LPA: variants seen among roughly 807,000 people sequenced by gnomAD.
LPA encodes apolipoprotein(a).
In LPA, 199 loss-of-function variants were observed where a neutral mutation model predicts 197.9. That is an observed-to-expected ratio of 1.01 (90% CI 0.90 to 1.13). The LOEUF is 1.13. Among genes scored for constraint, LPA ranks in the 50% most tolerant of loss-of-function variants. LPA has a pLI of 0.00. For missense variants in LPA, 1,853 were observed against 1,785.8 expected, an observed-to-expected ratio of 1.04 and a Z score of -0.68; for synonymous variants, 715 against 639.5, an observed-to-expected ratio of 1.12 and a Z score of -1.78.
In LPA at chr6:160,541,171, G is replaced by A; in HGVS notation, c.5530C>T (p.His1844Tyr). 2 of 1,613,530 alleles carry A rather than the reference G, an allele frequency of 1.2e-6. No individual in the cohort carries two copies. The highest frequency in any genetic ancestry group is 1.7e-6 in the Non-Finnish European group (2 of 1,179,404). ...QVSLRTRFGK[H>Y]FCGGTLISPE... Reference sequence around the variant, plus strand: ...GATATTAAGGTGCCTCCACAGAAGTGCTTTCCAAACCTAGAAAGAAAACAT... The same window carrying A: ...GATATTAAGGTGCCTCCACAGAAGTACTTTCCAAACCTAGAAAGAAAACAT... The change falls in exon 35 of 39, where the codon CAC becomes TAC. Residue 1844 changes from histidine (H) to tyrosine (Y), a missense_variant. By Grantham distance (83) the His-to-Tyr change is moderately conservative. Transcript: ENST00000316300.
intron 30 of LPA, among the ~76,000 whole-genome samples, chr6:160,555,299 G>T (rs1424456965): frequency 8.4e-6 from 1 of 118,546 alleles, no homozygotes; most frequent in Non-Finnish European, 1.8e-5. Flanking sequence ...ATGTTAGTGT[G>T]TGTGTGTGTG....
chr6:160,569,160 G>C (rs1036534139), intron 28 of LPA, among the ~76,000 whole-genome samples: 1 of 152,184 alleles, frequency 6.6e-6, no homozygotes, highest in East Asian at 1.9e-4. Flanking sequence ...ACAAAAAAGA[G>C]CATGCATTGC....
At chr6:160,662,441 A>G (rs1249622923) in intron 1 of LPA, among the ~76,000 whole-genome samples, 2 of 152,200 alleles carry the variant, frequency 1.3e-5, no homozygotes, top group Admixed American at 6.5e-5. Flanking sequence ...CGGGCATTCC[A>G]GCACACATTG....
At chr6:160,664,095 A>G (rs1780269579) in intron 1 of LPA, 71 bp downstream of exon 1, 1 of 1,286,560 alleles carries the variant, frequency 7.8e-7, no homozygotes, top group Admixed American at 1.8e-5. Flanking sequence ...ACATAAAGCC[A>G]TGGCATATGT....
intron 19 of LPA, 82 bp downstream of exon 19, chr6:160,600,835 T>C (rs900201324): frequency 6.8e-7 from 1 of 1,469,634 alleles, no homozygotes; most frequent in African/African-American, 1.4e-5. Flanking sequence ...AGTGTAGCAC[T>C]GAAGGGTTGT....
chr6:160,565,136 G>C (rs922346962), intron 28 of LPA, among the ~76,000 whole-genome samples: 4 of 152,226 alleles, frequency 2.6e-5, no homozygotes, highest in African/African-American at 9.6e-5. Flanking sequence ...AACTTCTGCA[G>C]ACTTAAACAT....
intron 20 of LPA, among the ~76,000 whole-genome samples, chr6:160,595,793 T>C (rs1779121494): frequency 6.6e-6 from 1 of 152,226 alleles, no homozygotes; most frequent in Admixed American, 6.5e-5. Context: ...CAATGTTTAC[T>C]CTGTACATTG....
chr6:160,651,031 T>A (rs1269335334), intron 1 of LPA, among the ~76,000 whole-genome samples: 1 of 152,216 alleles, frequency 6.6e-6, no homozygotes, highest in South Asian at 2.1e-4. Context: ...CAAATCTTAT[T>A]TCCTTGGAGG....
chr6:160,565,210 G>A (rs1049566297), intron 28 of LPA, among the ~76,000 whole-genome samples: 5 of 152,192 alleles, frequency 3.3e-5, no homozygotes, highest in Non-Finnish European at 7.3e-5. Flanking sequence ...ATCTGAGAAT[G>A]GACAGACTGC....
chr6:160,571,098 C>T (rs986191289), intron 28 of LPA, among the ~76,000 whole-genome samples: 3 of 152,104 alleles, frequency 2.0e-5, no homozygotes, highest in East Asian at 1.9e-4. Context: ...CTTGTTTTCA[C>T]GCTTTACTTC....
At chr6:160,603,339 G>C (rs1041731825) in intron 18 of LPA, among the ~76,000 whole-genome samples, 2 of 151,764 alleles carry the variant, frequency 1.3e-5, no homozygotes, top group Admixed American at 6.6e-5. Flanking sequence ...AGCTGGTTCT[G>C]TAGGTGGTAT....
Position 160,557,498 on chromosome 6 carries a change from C to T in LPA, c.4705G>A (p.Val1569Met), listed in dbSNP as rs781187596. Residue 1569 changes from valine to methionine, a missense_variant, in exon 29 of 39, where the codon GTG becomes ATG. This residue lies in a region of LPA where 1,737 missense variants were observed against 1,504.4 expected (regional missense o/e 1.15). Transcript: ENST00000316300. ...GTCAGATTGCAGTACTCCCACCTCA[C>T]ACACGGATCGGTTGTGTAACACCAG... The part of the protein sequence containing the change: ...QPWCYTTDPC[V>M]RWEYCNLTQC... 2.4e-5 allele frequency: 38 copies of T among 1,613,990 alleles called. No individual in the cohort carries two copies. The highest frequency in any genetic ancestry group is 3.1e-5 in the Non-Finnish European group (36 of 1,180,020).
intron 34 of LPA, among the ~76,000 whole-genome samples, 155 bp from the exon 35 acceptor site, chr6:160,541,336 G>T (rs116039216): frequency 0.018 from 2,777 of 152,290 alleles, 44 homozygotes; most frequent in Non-Finnish European, 0.029. Flanking sequence ...TAGAAACTTC[G>T]AGCTGTGCTC....
intron 26 of LPA, among the ~76,000 whole-genome samples, chr6:160,582,669 C>T (rs1778823673): frequency 6.6e-6 from 1 of 152,018 alleles, no homozygotes; most frequent in South Asian, 2.1e-4. Flanking sequence ...ATAAATCATA[C>T]AGCTTTACTT....
chr6:160,606,638 C>A lies in LPA; in HGVS notation c.2624G>T (p.Cys875Phe). The A allele has an allele frequency of 1.2e-6, 2 of 1,613,988 alleles. No homozygotes were observed. The highest frequency in any genetic ancestry group is 1.7e-6 in the Non-Finnish European group (2 of 1,179,940). The change falls in exon 17 of 39, where the codon TGC becomes TTC. Residue 875 changes from cysteine (C) to phenylalanine (F), a missense_variant. Physicochemically the swap from Cys to Phe is radical, Grantham distance 205. Coordinates refer to ENST00000316300, the MANE Select transcript of LPA (RefSeq NM_005577.4). ...GGCTGCCACAGGATCTGGATTCCTG[C>A]AGTAGTTCATGATCAAGCCACTGGA... ...YPNAGLIMNY[C>F]RNPDPVAAPY...
intron 30 of LPA, among the ~76,000 whole-genome samples, chr6:160,550,459 G>A (rs1778150537): frequency 6.6e-6 from 1 of 152,214 alleles, no homozygotes. Flanking sequence ...ATTCCAGCAA[G>A]CTGGTTCTCC....
At chr6:160,587,993 T>A (rs550283537) in intron 24 of LPA, among the ~76,000 whole-genome samples, 1 of 152,298 alleles carries the variant, frequency 6.6e-6, no homozygotes, top group African/African-American at 2.4e-5. Context: ...TCTCTTGCTA[T>A]TCTGCTTTTG....
At chr6:160,568,222 T>C (rs1309197732) in intron 28 of LPA, among the ~76,000 whole-genome samples, 1 of 152,138 alleles carries the variant, frequency 6.6e-6, no homozygotes, top group East Asian at 1.9e-4. Flanking sequence ...TGATGAACAT[T>C]GATGCAAAAA....
chr6:160,647,500 A>C (rs1467502763), intron 2 of LPA, among the ~76,000 whole-genome samples: 3 of 152,202 alleles, frequency 2.0e-5, no homozygotes, highest in Admixed American at 2.0e-4. Context: ...CATTCCAGGA[A>C]GCTCATTCAA....
Sources: allele counts gnomAD v4.1 joint callset (sites outside exome capture counted in the v4.1 genomes callset), GRCh38; gene constraint gnomAD v4.1.1; regional missense constraint gnomAD v4.1.1; transcripts MANE v1.5; gene names NCBI Gene and HGNC (gene_info 2026-07-23, HGNC 2026-07-21).